Variants in ADAM7 observed in about 807,000 individuals in gnomAD.
ADAM7 encodes the protein disintegrin and metalloproteinase domain-containing protein 7.
A neutral mutation model predicts 102.9 loss-of-function variants in ADAM7; 97 were observed. That is an observed-to-expected ratio of 0.94 (90% CI 0.80 to 1.12). The LOEUF (loss-of-function observed/expected upper bound fraction) is 1.12. Among genes scored for constraint, ADAM7 ranks in the 50% most tolerant of loss-of-function variants. ADAM7 has a pLI of 0.00. For synonymous variants in ADAM7, 334 were observed against 304.4 expected (o/e 1.10, Z -1.01); for missense variants, 991 against 908.7 (o/e 1.09, Z -1.16).
At chr8:24,501,719 C>T (rs2129396373) in intron 20 of ADAM7, 143 bp downstream of exon 20, 1 of 546,742 alleles carries the variant, frequency 1.8e-6, no homozygotes, top group South Asian at 3.1e-5. Context: ...ACACATGAAG[C>T]TTTGAATCTA....
At chr8:24,450,246 G>A (rs1818730119) in intron 3 of ADAM7, among the ~76,000 whole-genome samples, 1 of 152,072 alleles carries the variant, frequency 6.6e-6, no homozygotes, top group Non-Finnish European at 1.5e-5. Flanking sequence ...TGGGCAGTAT[G>A]GCCATTTTCA....
chr8:24,478,761 C>T (rs2129387119), intron 8 of ADAM7, among the ~76,000 whole-genome samples: 1 of 152,292 alleles, frequency 6.6e-6, no homozygotes, highest in South Asian at 2.1e-4. Flanking sequence ...TTCTCTCCAA[C>T]AGTGGGTTGT....
At chr8:24,481,723 C>A (rs1291502484) in intron 8 of ADAM7, among the ~76,000 whole-genome samples, 1 of 152,150 alleles carries the variant, frequency 6.6e-6, no homozygotes, top group East Asian at 1.9e-4. Flanking sequence ...AAAACCAATA[C>A]CAACTTTCTA....
intron 3 of ADAM7, among the ~76,000 whole-genome samples, chr8:24,460,436 T>C (rs769376971): frequency 1.2e-4 from 19 of 152,052 alleles, no homozygotes; most frequent in Non-Finnish European, 1.3e-4. Flanking sequence ...TTGGAATTAT[T>C]TCTTTTATGT....
intron 10 of ADAM7, among the ~76,000 whole-genome samples, chr8:24,485,597 CA>C (rs1301550590): frequency 6.6e-6 from 1 of 152,094 alleles, no homozygotes; most frequent in Non-Finnish European, 1.5e-5. Context: ...TAGTATACCA[CA>C]GATCAGCATG....
At chr8:24,441,596 C>T in intron 1 of ADAM7, among the ~76,000 whole-genome samples, 1 of 152,088 alleles carries the variant, frequency 6.6e-6, no homozygotes, top group East Asian at 1.9e-4. Context: ...ACCCCATGCC[C>T]TCTCCTTTTT....
chr8:24,479,921 T>C (rs1233775203), intron 8 of ADAM7, among the ~76,000 whole-genome samples: 1 of 152,210 alleles, frequency 6.6e-6, no homozygotes, highest in East Asian at 1.9e-4. Flanking sequence ...CTAGATTCTC[T>C]GGCTTGTCCT....
chr8:24,442,315 A>G (rs1017380216), intron 1 of ADAM7, among the ~76,000 whole-genome samples, 158 bp from the exon 2 acceptor site: 1 of 152,174 alleles, frequency 6.6e-6, no homozygotes, highest in African/African-American at 2.4e-5. Flanking sequence ...ATCAGTGTCA[A>G]TTTCCTTGCC....
chr8:24,482,558 A>T (rs895269797), intron 9 of ADAM7, among the ~76,000 whole-genome samples: 1 of 152,062 alleles, frequency 6.6e-6, no homozygotes, highest in African/African-American at 2.4e-5. Context: ...GACCAGCCCC[A>T]GGCAACATAG....
chr8:24,502,994 C>T (rs1820814684), intron 20 of ADAM7, among the ~76,000 whole-genome samples: 1 of 152,094 alleles, frequency 6.6e-6, no homozygotes, highest in Non-Finnish European at 1.5e-5. Flanking sequence ...AACTGAATCT[C>T]ATGATGAATG....
rs375983110 is a variant in ADAM7 at position 24,441,061 on chromosome 8, A to T, written c.-48A>T. On this transcript the variant is annotated 5_prime_UTR_variant, in exon 1 of 22. Transcript: ENST00000175238. ...TGGAAGTGAGGAGGAAGAAAGGTGA[A>T]CTCCTTTTCTCAAGCACTTCTGCTC... is the stretch of plus-strand genomic sequence containing the variant. 6.5e-7 allele frequency: 1 copy of T among 1,549,290 alleles called. No homozygotes were observed. The highest frequency in any genetic ancestry group is 8.9e-7 in the Non-Finnish European group (1 of 1,121,618).
chr8:24,508,735 C>A lies in ADAM7; in HGVS notation c.*189C>A, dbSNP rs558543542. The A allele has an allele frequency of 1.4e-4, 200 of 1,417,406 alleles. 4 individuals carry two copies. In the South Asian group the frequency reaches 3.1e-3, roughly 22 times the overall value. The allele number at this position is 1,417,406 out of a possible 1,614,324, so 87.8% of individuals were successfully genotyped here. ...TTAATATTTACCGGTAGAATTCACA[C>A]CCTCTATCATAAACATATGCTGCAG... On this transcript the variant is annotated 3_prime_UTR_variant, in exon 22 of 22. Transcript: ENST00000175238.
At position 24,457,863 on chromosome 8, in the gene ADAM7, A is replaced by AGTGTGTGT. The variant is rs58099346; in HGVS notation, c.234-5998_234-5991dup. 2.3e-3 allele frequency among the ~76,000 whole-genome samples: 340 copies of AGTGTGTGT among 147,964 alleles called. 3 individuals carry two copies. Among genetic ancestry groups the AGTGTGTGT allele is most frequent in the African/African-American group, 6.4e-3 (259 of 40,248 alleles). ...ATTTGTGTATGTGCATATGTGTGTG[A>AGTGTGTGT]GTGTGTGTGTGTGTGTGTGTGTGTG... On this transcript the variant is annotated intron_variant, in intron 3 of 21. Coordinates refer to ENST00000175238, the MANE Select transcript of ADAM7 (RefSeq NM_003817.4).
intron 7 of ADAM7, among the ~76,000 whole-genome samples, chr8:24,474,315 TTAA>T (rs951817513): frequency 3.9e-5 from 6 of 152,164 alleles, no homozygotes; most frequent in Non-Finnish European, 1.5e-5. Context: ...CACTTTGCTC[TTAA>T]TAATAATATA....
At chr8:24,478,524 C>G (rs1427766063) in intron 8 of ADAM7, among the ~76,000 whole-genome samples, 1 of 152,086 alleles carries the variant, frequency 6.6e-6, no homozygotes, top group African/African-American at 2.4e-5. Flanking sequence ...CCTAAATATA[C>G]TAGTGAAATT....
chr8:24,490,599 C>G, intron 12 of ADAM7, 200 bp from the exon 13 acceptor site: 1 of 548,094 alleles, frequency 1.8e-6, no homozygotes, highest in South Asian at 2.4e-5. Context: ...CGTAATGTAC[C>G]AAACAGCACG....
intron 3 of ADAM7, among the ~76,000 whole-genome samples, chr8:24,457,947 A>C (rs1819101074): frequency 6.6e-6 from 1 of 151,812 alleles, no homozygotes; most frequent in Non-Finnish European, 1.5e-5. Flanking sequence ...CAATTATTCC[A>C]GTCCATTTTG....
intron 17 of ADAM7, 39 bp from the exon 18 acceptor site, chr8:24,500,139 A>T: frequency 6.4e-7 from 1 of 1,562,970 alleles, no homozygotes; most frequent in Non-Finnish European, 8.7e-7. Flanking sequence ...CACAACTTAT[A>T]TCAGTCATTT....
chr8:24,449,340 C>T (rs1284668185), intron 3 of ADAM7, among the ~76,000 whole-genome samples: 1 of 152,214 alleles, frequency 6.6e-6, no homozygotes, highest in African/African-American at 2.4e-5. Context: ...TTAATGATTG[C>T]CATTCTAACT....
Sources: gnomAD v4.1 joint callset for allele counts (sites outside exome capture counted in the v4.1 genomes callset) on GRCh38, gnomAD v4.1.1 for gene constraint, MANE v1.5 for transcripts, NCBI Gene and HGNC (gene_info 2026-07-23, HGNC 2026-07-21) for gene names.